TNFRSF19: variants seen among roughly 807,000 people sequenced by gnomAD.
TNFRSF19 encodes the protein TNF receptor superfamily member 19, also known as tumor necrosis factor receptor superfamily member 19.
Under a neutral mutation model 46.4 loss-of-function variants are expected in TNFRSF19, and 27 were observed. The observed-to-expected ratio is 0.58, with a 90% confidence interval of 0.43 to 0.80. The LOEUF (loss-of-function observed/expected upper bound fraction) is 0.80, where lower values mean the gene tolerates loss of function less well. Among genes scored for constraint, TNFRSF19 ranks in the 30% least tolerant of loss-of-function variants. The probability of loss-of-function intolerance (pLI) is 0.00; values close to 1 mark genes in which losing one functional copy is unlikely to be tolerated. For missense variants in TNFRSF19, 511 were observed against 530.8 expected (o/e 0.96, Z 0.37); for synonymous variants, 204 against 205.0 (o/e 1.00, Z 0.04).
rs543904800 is a variant in TNFRSF19, at chr13:23,590,200, T to C, written c.17T>C (p.Leu6Pro). The change falls in exon 2 of 10, where the codon CTA (leucine) becomes CCA (proline). Residue 6 changes from leucine (L) to proline (P), a missense_variant. Physicochemically the swap from Leu to Pro is moderately conservative, Grantham distance 98. Coordinates refer to ENST00000248484, the MANE Select transcript of TNFRSF19 (RefSeq NM_148957.4). ...ATAAGAAAGATGGCTTTAAAAGTGC[T>C]ACTAGAACAAGAGAAAACGTTTTTC... MALKV[L>P]LEQEKTFFTL... The C allele has an allele frequency of 6.3e-7, 1 of 1,597,604 alleles. No homozygotes were observed. The highest frequency in any genetic ancestry group is 8.5e-7 in the Non-Finnish European group (1 of 1,171,166).
At chr13:23,578,767 T>C (rs1313229746) in intron 1 of TNFRSF19, among the ~76,000 whole-genome samples, 3 of 152,254 alleles carry the variant, frequency 2.0e-5, no homozygotes, top group African/African-American at 4.8e-5. Flanking sequence ...TCCCCGGCCC[T>C]GGCCCCGCCT....
chr13:23,666,415 C>G (rs1249115690), intron 7 of TNFRSF19, among the ~76,000 whole-genome samples: 1 of 152,112 alleles, frequency 6.6e-6, no homozygotes. Flanking sequence ...CTTTCGTTCT[C>G]CATTTATGTA....
intron 5 of TNFRSF19, among the ~76,000 whole-genome samples, chr13:23,637,947 G>A (rs929626527): frequency 6.6e-6 from 1 of 152,274 alleles, no homozygotes; most frequent in Admixed American, 6.5e-5. Context: ...AGGAGAGTCC[G>A]TGGTGGAACT....
chr13:23,611,687 T>C (rs1296903878), intron 3 of TNFRSF19, among the ~76,000 whole-genome samples: 1 of 152,232 alleles, frequency 6.6e-6, no homozygotes, highest in Non-Finnish European at 1.5e-5. Flanking sequence ...GGAAATAATA[T>C]ACCTAGGGAA....
At chr13:23,590,675 T>C (rs1455896192) in intron 2 of TNFRSF19, among the ~76,000 whole-genome samples, 1 of 152,244 alleles carries the variant, frequency 6.6e-6, no homozygotes, top group Admixed American at 6.5e-5. Flanking sequence ...TATGTTTTTA[T>C]CTCTTTCAAA....
At chr13:23,578,448 T>A (rs1761865334) in intron 1 of TNFRSF19, among the ~76,000 whole-genome samples, 1 of 152,184 alleles carries the variant, frequency 6.6e-6, no homozygotes, top group Non-Finnish European at 1.5e-5. Flanking sequence ...GATCACAAGC[T>A]GTGCTTTTGG....
chr13:23,577,599 C>T (rs781157813), intron 1 of TNFRSF19, among the ~76,000 whole-genome samples: 2 of 152,118 alleles, frequency 1.3e-5, no homozygotes, highest in Non-Finnish European at 2.9e-5. Flanking sequence ...TACATAGGCT[C>T]AGAATTGAGG....
At chr13:23,589,893 G>A (rs148165057) in intron 1 of TNFRSF19, among the ~76,000 whole-genome samples, 15 of 152,260 alleles carry the variant, frequency 9.9e-5, no homozygotes, top group African/African-American at 2.6e-4. Flanking sequence ...CAATAAAGGC[G>A]GGTATAGCCT....
chr13:23,673,789 T>G lies in TNFRSF19; in HGVS notation c.*409T>G, dbSNP rs573057169. The G allele has an allele frequency of 3.9e-4, 70 of 181,136 alleles. No individual in the cohort carries two copies. The highest frequency in any genetic ancestry group is 1.6e-3 in the African/African-American group (70 of 42,828). The allele number at this position is 181,136 out of a possible 1,614,324, so 11.2% of individuals were successfully genotyped here. ...GAAGACCCAGAGTATACTTTTTCTT[T>G]CCAGAAATAATTTCATACCGCCTAT... is the stretch of plus-strand genomic sequence containing the variant. On this transcript the variant is annotated 3_prime_UTR_variant, in exon 10 of 10. Transcript: ENST00000248484.
chr13:23,614,746 CATATATATATAT>C (rs59117822), intron 3 of TNFRSF19, among the ~76,000 whole-genome samples: 31,347 of 134,922 alleles, frequency 0.23, 4,245 homozygotes, highest in East Asian at 0.32. Context: ...ATAAGTAATA[CATATATATATAT>C]ATATATATAT....
At position 23,660,489 on chromosome 13, in the gene TNFRSF19, C is replaced by T. The variant is rs138676880; in HGVS notation, c.735C>T (p.Cys245=). The T allele has an allele frequency of 3.7e-4, 591 of 1,611,804 alleles. 4 individuals are homozygous for T. In the Middle Eastern group the frequency reaches 0.01, roughly 28 times the overall value. The part of the protein sequence containing the change: ...CQCRRDSVQT[C]GPVRLLPSMC... ...GCCGCCGTGACTCAGTGCAGACCTG[C>T]GGTAAGTTCAGCAGGGAAGTGCCGT... The change falls in exon 7 of 10, where the codon TGC becomes TGT. Residue 245 remains cysteine, a splice_region_variant and synonymous_variant. Coordinates refer to ENST00000248484, the MANE Select transcript of TNFRSF19 (RefSeq NM_148957.4).
At position 23,662,339 on chromosome 13, in the gene TNFRSF19, T is replaced by C. The variant is rs549187570; in HGVS notation, c.736+1849T>C. On this transcript the variant is annotated intron_variant, in intron 7 of 9. Transcript: ENST00000248484. ...TTGTTGAAGATCAGGTAGTTGTACA[T>C]GTGTGGTCTTATTTCTAGGATCTCT... Among the ~76,000 whole-genome samples, 4 of 152,324 alleles carry C rather than the reference T, an allele frequency of 2.6e-5. 1 individual carries two copies. The highest frequency in any genetic ancestry group is 9.6e-5 in the African/African-American group (4 of 41,576).
intron 3 of TNFRSF19, among the ~76,000 whole-genome samples, chr13:23,612,070 T>G (rs1381451805): frequency 6.7e-6 from 1 of 149,740 alleles, no homozygotes; most frequent in African/African-American, 2.4e-5. Flanking sequence ...GTGTACTGTT[T>G]GATTATTTTT....
chr13:23,642,174 T>C (rs17334111), intron 5 of TNFRSF19, among the ~76,000 whole-genome samples: 1,554 of 152,324 alleles, frequency 0.01, 5 homozygotes, highest in Middle Eastern at 0.024. Context: ...TTTTAATCAT[T>C]AATTCTCCTT....
chr13:23,639,121 G>A (rs955190413), intron 5 of TNFRSF19, among the ~76,000 whole-genome samples: 1 of 152,134 alleles, frequency 6.6e-6, no homozygotes, highest in Non-Finnish European at 1.5e-5. Flanking sequence ...GGCCAGGTGT[G>A]GTGGCTTACA....
At chr13:23,586,027 T>C (rs1010818691) in intron 1 of TNFRSF19, among the ~76,000 whole-genome samples, 5 of 152,008 alleles carry the variant, frequency 3.3e-5, no homozygotes, top group African/African-American at 1.2e-4. Context: ...TCCCAGCACT[T>C]TGAGAGGCCG....
chr13:23,600,701 C>G (rs1880078719), intron 3 of TNFRSF19, among the ~76,000 whole-genome samples: 1 of 152,146 alleles, frequency 6.6e-6, no homozygotes, highest in Non-Finnish European at 1.5e-5. Flanking sequence ...AAGGGAAATA[C>G]TGACTCAGTC....
At position 23,656,663 on chromosome 13, in the gene TNFRSF19, G is replaced by A. The variant is rs144304094; in HGVS notation, c.446-2387G>A. 5.8e-3 allele frequency among the ~76,000 whole-genome samples: 890 copies of A among 152,244 alleles called. 10 individuals are homozygous for A. Among genetic ancestry groups the A allele is most frequent in the African/African-American group, 0.02 (851 of 41,552 alleles). On this transcript the variant is annotated intron_variant, in intron 5 of 9. Coordinates refer to ENST00000248484, the MANE Select transcript of TNFRSF19 (RefSeq NM_148957.4). ...AAAACCCCATATTGTGTAGGGCTGG[G>A]TTATTTGAGCAAAAATTTAAGCTAA...
intron 5 of TNFRSF19, among the ~76,000 whole-genome samples, chr13:23,640,629 G>A (rs932982947): frequency 1.1e-4 from 16 of 152,158 alleles, no homozygotes; most frequent in African/African-American, 3.9e-4. Context: ...GTCTTTCCAT[G>A]TTGGCAAACT....
Sources: allele counts gnomAD v4.1 joint callset (sites outside exome capture counted in the v4.1 genomes callset), GRCh38; gene constraint gnomAD v4.1.1; transcripts MANE v1.5; gene names NCBI Gene and HGNC (gene_info 2026-07-23, HGNC 2026-07-21).